AQP11: variants seen among roughly 807,000 people sequenced by gnomAD.
The protein encoded by AQP11 is aquaporin 11.
In AQP11, 20 loss-of-function variants were observed where a neutral mutation model predicts 21.1. The observed-to-expected ratio is 0.95, with a 90% CI of 0.67 to 1.38. The LOEUF is 1.38. Among genes scored for constraint, AQP11 ranks in the 40% most tolerant of loss-of-function variants. The probability of loss-of-function intolerance (pLI) is 0.00; values close to 1 mark genes in which losing one functional copy is unlikely to be tolerated. For missense variants in AQP11, 339 were observed against 340.4 expected, an observed-to-expected ratio of 1.00 and a Z score of 0.03; for synonymous variants, 167 against 150.1, an observed-to-expected ratio of 1.11 and a Z score of -0.82.
chr11:77,599,592 T>C (rs2135747821), intron 1 of AQP11, among the ~76,000 whole-genome samples: 1 of 151,520 alleles, frequency 6.6e-6, no homozygotes, highest in South Asian at 2.1e-4. Context: ...CCCCAAACTG[T>C]GTTTTTATTT....
At position 77,609,608 on chromosome 11, in the gene AQP11, G is replaced by A; in HGVS notation, c.*231G>A. On this transcript the variant is annotated 3_prime_UTR_variant, in exon 3 of 3. Coordinates refer to ENST00000313578, the MANE Select transcript of AQP11 (RefSeq NM_173039.3). ...TTCTTTGAGTGATGTATTAAATGCT[G>A]CTAGAAAAGCCTCATTACATTAAAT... 1 of 357,046 alleles carries A rather than the reference G, an allele frequency of 2.8e-6. No homozygotes were observed. Among genetic ancestry groups the A allele is most frequent in the Non-Finnish European group, 5.0e-6 (1 of 199,190 alleles). 22.1% of individuals were successfully genotyped at this position (357,046 alleles called of 1,614,324 possible). A position where few individuals can be genotyped will look rare whatever the true frequency, so the allele number is the denominator to read the frequency against.
chr11:77,590,205 C>A lies in AQP11; in HGVS notation c.213C>A (p.His71Gln). 2.5e-6 allele frequency: 4 copies of A among 1,593,952 alleles called. No individual in the cohort carries two copies. The highest frequency in any genetic ancestry group is 3.4e-6 in the Non-Finnish European group (4 of 1,170,596). ...AGCTGCAACTGCTGAGCGAACAGCA[C>A]CCCGCGCACCCCACCTGGACGCTGA... ...THELQLLSEQ[H>Q]PAHPTWTLTL... The change falls in exon 1 of 3, where the codon CAC (histidine) becomes CAA (glutamine). Residue 71 changes from histidine (H) to glutamine (Q), a missense_variant. Coordinates refer to ENST00000313578, the MANE Select transcript of AQP11 (RefSeq NM_173039.3).
chr11:77,604,672 A>G (rs529287648), intron 2 of AQP11, among the ~76,000 whole-genome samples: 1 of 152,320 alleles, frequency 6.6e-6, no homozygotes, highest in Admixed American at 6.5e-5. Context: ...TGAATAGTCA[A>G]TCACACTTTA....
chr11:77,606,129 G>A (rs1455800443), intron 2 of AQP11, among the ~76,000 whole-genome samples: 1 of 151,300 alleles, frequency 6.6e-6, no homozygotes, highest in Non-Finnish European at 1.5e-5. Flanking sequence ...TTGAGGCCAG[G>A]AGTTCAAGGC....
chr11:77,600,939 G>A (rs935218778), intron 1 of AQP11, among the ~76,000 whole-genome samples: 7 of 151,872 alleles, frequency 4.6e-5, no homozygotes, highest in Admixed American at 1.3e-4. Context: ...GTGAACCCGG[G>A]AGGTGGAGCT....
chr11:77,592,574 T>A (rs1472312249), intron 1 of AQP11, among the ~76,000 whole-genome samples: 1 of 152,228 alleles, frequency 6.6e-6, no homozygotes, highest in Non-Finnish European at 1.5e-5. Context: ...ATTCTTTCTG[T>A]CTACTTTTAA....
chr11:77,605,346 T>A (rs1272570099), intron 2 of AQP11, among the ~76,000 whole-genome samples: 1 of 152,184 alleles, frequency 6.6e-6, no homozygotes, highest in Non-Finnish European at 1.5e-5. Flanking sequence ...TATATTAACA[T>A]GATTTATTTG....
intron 1 of AQP11, among the ~76,000 whole-genome samples, chr11:77,602,302 T>C (rs1458495913): frequency 5.9e-5 from 9 of 152,232 alleles, no homozygotes; most frequent in Non-Finnish European, 1.2e-4. Context: ...ATTTATATCA[T>C]CATAGGTCAT....
intron 1 of AQP11, among the ~76,000 whole-genome samples, chr11:77,598,573 CAA>C (rs1230879281): frequency 3.0e-4 from 45 of 152,300 alleles, no homozygotes. Context: ...GTAAAAAATT[CAA>C]AGACTAAAGT....
chr11:77,603,753 A>G (rs1958829056), intron 2 of AQP11, 81 bp downstream of exon 2: 1 of 1,042,946 alleles, frequency 9.6e-7, no homozygotes, highest in African/African-American at 1.6e-5. Context: ...TAACATGTCA[A>G]TTTCCAAAGC....
chr11:77,605,786 C>T (rs1358145428), intron 2 of AQP11, among the ~76,000 whole-genome samples: 3 of 152,020 alleles, frequency 2.0e-5, no homozygotes, highest in South Asian at 2.1e-4. Flanking sequence ...AGGCTGGGTG[C>T]GGTGGCTCAT....
chr11:77,609,970 A>T lies in AQP11; in HGVS notation c.*593A>T, dbSNP rs1250887791. ...CCTAAAATAGTTTCTCTAAATAGAC[A>T]ATCTCACTAGCTCCAGCCAAGTGGT... On this transcript the variant is annotated 3_prime_UTR_variant, in exon 3 of 3. Coordinates refer to ENST00000313578, the MANE Select transcript of AQP11 (RefSeq NM_173039.3). The T allele has an allele frequency of 6.6e-6, 1 of 152,254 alleles. No homozygotes were observed. Among genetic ancestry groups the T allele is most frequent in the Non-Finnish European group, 1.5e-5 (1 of 68,044 alleles). The allele number at this position is 152,254 out of a possible 1,614,324, so 9.4% of individuals were successfully genotyped here. A position where few individuals can be genotyped will look rare whatever the true frequency, so the allele number is the denominator to read the frequency against.
intron 2 of AQP11, among the ~76,000 whole-genome samples, chr11:77,608,793 G>A (rs1958860928): frequency 6.6e-6 from 1 of 152,166 alleles, no homozygotes; most frequent in Admixed American, 6.5e-5. Flanking sequence ...AATGAAAAAA[G>A]AGAGACTGGA....
At chr11:77,599,451 GCTA>G (rs1485970906) in intron 1 of AQP11, among the ~76,000 whole-genome samples, 1 of 144,060 alleles carries the variant, frequency 6.9e-6, no homozygotes, top group African/African-American at 2.6e-5. Flanking sequence ...CCCACACCTG[GCTA>G]CTTTTTGTAT....
chr11:77,603,812 A>G, intron 2 of AQP11, 140 bp downstream of exon 2: 1 of 599,074 alleles, frequency 1.7e-6, no homozygotes, highest in Non-Finnish European at 2.8e-6. Flanking sequence ...ACATGCCTGA[A>G]ATAATACTTT....
intron 1 of AQP11, among the ~76,000 whole-genome samples, chr11:77,601,555 G>GGT (rs1958815779): frequency 6.6e-6 from 1 of 152,096 alleles, no homozygotes; most frequent in East Asian, 1.9e-4. Context: ...TTGCTATGTT[G>GGT]CCTGAGCTCA....
At chr11:77,606,036 CAAAAAAAAAAAA>C (rs11326964) in intron 2 of AQP11, among the ~76,000 whole-genome samples, 18 of 63,996 alleles carry the variant, frequency 2.8e-4, no homozygotes, top group East Asian at 4.4e-4. Flanking sequence ...GAGCGAGTCT[CAAAAAAAAAAAA>C]AAAAAAAAAA....
In AQP11 at chr11:77,609,419, G is replaced by A. The variant is rs1242303436; in HGVS notation, c.*42G>A. The stretch of plus-strand genomic sequence containing the variant: ...GACTAACATACAGGACAGTCCAGCT[G>A]GATGTGATAAAGATTTTATCACCTC... On this transcript the variant is annotated 3_prime_UTR_variant, in exon 3 of 3. Coordinates refer to ENST00000313578, the MANE Select transcript of AQP11 (RefSeq NM_173039.3). The A allele has an allele frequency of 1.3e-6, 2 of 1,484,240 alleles. No individual in the cohort carries two copies. The highest frequency in any genetic ancestry group is 4.0e-5 in the Admixed American group (2 of 50,056). 91.9% of individuals were successfully genotyped at this position (1,484,240 alleles called of 1,614,324 possible). A position where few individuals can be genotyped will look rare whatever the true frequency, so the allele number is the denominator to read the frequency against.
chr11:77,597,308 A>C (rs557133812), intron 1 of AQP11, among the ~76,000 whole-genome samples: 35 of 152,344 alleles, frequency 2.3e-4, no homozygotes, highest in Non-Finnish European at 2.5e-4. Flanking sequence ...GCAGTGGCTC[A>C]TGTCTGTAAT....
Sources: gnomAD v4.1 joint callset for allele counts (sites outside exome capture counted in the v4.1 genomes callset) on GRCh38, gnomAD v4.1.1 for gene constraint, MANE v1.5 for transcripts, NCBI Gene and HGNC (gene_info 2026-07-23, HGNC 2026-07-21) for gene names.